SMYD3: variants seen among roughly 807,000 people sequenced by gnomAD.
SMYD3 encodes the protein SET and MYND domain containing 3.
In SMYD3, 36 loss-of-function variants were observed where a neutral mutation model predicts 57.7. That is an observed-to-expected ratio of 0.62 (90% confidence interval 0.48 to 0.82). The LOEUF (loss-of-function observed/expected upper bound fraction) is 0.82. Ranked by LOEUF, SMYD3 falls within the 40% of genes least tolerant of loss-of-function variation. SMYD3 has a pLI of 0.00. For missense variants in SMYD3, 515 were observed against 538.8 expected (o/e 0.96, Z 0.44); for synonymous variants, 211 against 195.0 (o/e 1.08, Z -0.68).
At chr1:245,877,191 A>C (rs1409566622) in intron 8 of SMYD3, among the ~76,000 whole-genome samples, 1 of 152,212 alleles carries the variant, frequency 6.6e-6, no homozygotes, top group Non-Finnish European at 1.5e-5. Flanking sequence ...CTAGGTCTGC[A>C]GTTACTTGCT....
chr1:245,823,357 GCTCTCT>G lies in SMYD3; in HGVS notation c.1076+35133_1076+35138del, dbSNP rs10534407. 6.6e-5 allele frequency among the ~76,000 whole-genome samples: 10 copies of G among 151,632 alleles called. 1 individual carries two copies. The East Asian group carries it at 1.4e-3, about 21-fold the overall frequency. Reference sequence around the variant, plus strand: ...CGCGCGCTCGTGCTTGCTCGCTCTCGCTCTCTCTCTCTCTTTTCTAAGGCTCCAGGC... The same window carrying G: ...CGCGCGCTCGTGCTTGCTCGCTCTCGCTCTCTCTTTTCTAAGGCTCCAGGC... On this transcript the variant is annotated intron_variant, in intron 10 of 11. Coordinates refer to ENST00000490107, the MANE Select transcript of SMYD3 (RefSeq NM_001167740.2).
chr1:246,124,497 G>A (rs1025738533), intron 5 of SMYD3, among the ~76,000 whole-genome samples: 1 of 152,130 alleles, frequency 6.6e-6, no homozygotes, highest in Non-Finnish European at 1.5e-5. Flanking sequence ...CAAAGAAGGC[G>A]AGGTTTGAAT....
At chr1:246,082,692 AAAAG>A (rs2060655459) in intron 5 of SMYD3, among the ~76,000 whole-genome samples, 1 of 152,076 alleles carries the variant, frequency 6.6e-6, no homozygotes, top group African/African-American at 2.4e-5. Context: ...TTGTGTGGGG[AAAAG>A]AAAGAGAGAT....
chr1:246,290,341 C>T (rs190710233), intron 5 of SMYD3, among the ~76,000 whole-genome samples: 2 of 152,220 alleles, frequency 1.3e-5, no homozygotes, highest in East Asian at 1.9e-4. Context: ...AGTTACTGTT[C>T]TCATTTCACT....
chr1:245,944,087 G>A (rs1049225164), intron 5 of SMYD3, among the ~76,000 whole-genome samples: 4 of 152,144 alleles, frequency 2.6e-5, no homozygotes, highest in Non-Finnish European at 4.4e-5. Context: ...CACAAGACAA[G>A]GATGCCCTCT....
intron 10 of SMYD3, among the ~76,000 whole-genome samples, chr1:245,789,254 A>C (rs2047170415): frequency 6.6e-6 from 1 of 152,162 alleles, no homozygotes; most frequent in Non-Finnish European, 1.5e-5. Context: ...CAGCTCCCTA[A>C]TGAGGCAAAG....
chr1:245,919,133 C>G (rs2055673347), intron 7 of SMYD3, among the ~76,000 whole-genome samples: 2 of 152,188 alleles, frequency 1.3e-5, no homozygotes, highest in Admixed American at 1.3e-4. Context: ...TTCCCCGCTG[C>G]CTGCAGTGTA....
At chr1:246,083,533 T>C (rs962392591) in intron 5 of SMYD3, among the ~76,000 whole-genome samples, 1 of 19,374 alleles carries the variant, frequency 5.2e-5, no homozygotes. Flanking sequence ...TGCGCCCACT[T>C]TTCCTTCTCT....
chr1:246,240,558 T>C (rs553692599), intron 5 of SMYD3, among the ~76,000 whole-genome samples: 13 of 151,538 alleles, frequency 8.6e-5, no homozygotes, highest in African/African-American at 3.2e-4. Context: ...GGCTTAGGAT[T>C]GTCTTGGCAA....
chr1:246,390,812 A>G (rs1019297851), intron 1 of SMYD3, among the ~76,000 whole-genome samples: 3 of 152,202 alleles, frequency 2.0e-5, no homozygotes, highest in Non-Finnish European at 2.9e-5. Flanking sequence ...AGCCACATGT[A>G]GCTAGTGGCT....
intron 5 of SMYD3, among the ~76,000 whole-genome samples, chr1:246,002,551 C>A (rs2059090844): frequency 8.5e-6 from 1 of 116,988 alleles, no homozygotes; most frequent in East Asian, 2.9e-4. Flanking sequence ...ATCTCCTGAC[C>A]TCGTGATCCG....
At chr1:246,020,285 AAC>A (rs1480432249) in intron 5 of SMYD3, among the ~76,000 whole-genome samples, 2 of 152,222 alleles carry the variant, frequency 1.3e-5, no homozygotes, top group Non-Finnish European at 1.5e-5. Context: ...CCATAAATAA[AAC>A]AGTGTTCTCA....
intron 5 of SMYD3, among the ~76,000 whole-genome samples, chr1:246,102,812 GTGT>G (rs1474040327): frequency 6.6e-6 from 1 of 152,028 alleles, no homozygotes; most frequent in Non-Finnish European, 1.5e-5. Context: ...TTAAACCCAA[GTGT>G]TTAAAGCAGC....
intron 5 of SMYD3, among the ~76,000 whole-genome samples, chr1:245,963,659 G>C (rs1433240238): frequency 6.6e-6 from 1 of 151,814 alleles, no homozygotes; most frequent in African/African-American, 2.4e-5. Flanking sequence ...CAGCACCATA[G>C]GAAAAGGAAA....
intron 5 of SMYD3, among the ~76,000 whole-genome samples, chr1:246,141,096 G>A (rs181041072): frequency 5.1e-4 from 77 of 152,298 alleles, no homozygotes; most frequent in South Asian, 1.9e-3. Context: ...TGTTTTTCTT[G>A]AAGCTGGTGA....
chr1:246,348,425 AATATAT>A (rs1294436553), intron 2 of SMYD3, among the ~76,000 whole-genome samples: 2 of 151,268 alleles, frequency 1.3e-5, no homozygotes, highest in African/African-American at 4.9e-5. Flanking sequence ...CGGAAAAAAA[AATATAT>A]ATATATATGT....
chr1:246,201,326 A>C (rs1446872894), intron 5 of SMYD3, among the ~76,000 whole-genome samples: 1 of 152,218 alleles, frequency 6.6e-6, no homozygotes, highest in Non-Finnish European at 1.5e-5. Flanking sequence ...TTAAAGCAGG[A>C]GCATTTTTTA....
intron 1 of SMYD3, among the ~76,000 whole-genome samples, chr1:246,486,093 A>ATT (rs1353900069): frequency 6.6e-6 from 1 of 152,222 alleles, no homozygotes; most frequent in African/African-American, 2.4e-5. Context: ...CCCAGGCTTT[A>ATT]CGCTGGATGC....
intron 1 of SMYD3, among the ~76,000 whole-genome samples, chr1:246,472,240 T>C (rs1176595797): frequency 6.6e-6 from 1 of 152,122 alleles, no homozygotes; most frequent in African/African-American, 2.4e-5. Context: ...TCAGAGGCTT[T>C]TGATCTTGTG....
Sources: gnomAD v4.1 joint callset for allele counts (sites outside exome capture counted in the v4.1 genomes callset) on GRCh38, gnomAD v4.1.1 for gene constraint, MANE v1.5 for transcripts, NCBI Gene and HGNC (gene_info 2026-07-23, HGNC 2026-07-21) for gene names.